The following SCMH1 variants were observed in gnomAD, a reference collection of about 807,000 sequenced individuals.
The protein encoded by SCMH1 is Scm polycomb group protein homolog 1.
SCMH1 carries 37 observed loss-of-function variants against 70.8 expected under a neutral mutation model. The observed-to-expected ratio is 0.52, with a 90% CI of 0.40 to 0.69. SCMH1 has a LOEUF of 0.69. Among genes scored for constraint, SCMH1 ranks in the 30% least tolerant of loss-of-function variants. The pLI, the probability that SCMH1 is intolerant of heterozygous loss-of-function variation, is 0.00. For synonymous variants in SCMH1, 292 were observed against 307.4 expected (o/e 0.95, Z 0.52); for missense variants, 607 against 827.3 (o/e 0.73, Z 3.27).
chr1:41,092,967 A>T (rs1664069370), intron 8 of SCMH1, among the ~76,000 whole-genome samples: 1 of 152,232 alleles, frequency 6.6e-6, no homozygotes, highest in African/African-American at 2.4e-5. Context: ...CAGTGTGGCG[A>T]TTCCTCAAGG....
chr1:41,081,601 T>C (rs562980748), intron 8 of SCMH1, among the ~76,000 whole-genome samples: 7 of 152,274 alleles, frequency 4.6e-5, no homozygotes, highest in African/African-American at 1.7e-4. Flanking sequence ...GAGGATTGCT[T>C]GAGGCCAGGA....
intron 9 of SCMH1, among the ~76,000 whole-genome samples, chr1:41,073,216 C>T (rs1657121803): frequency 6.6e-6 from 1 of 152,172 alleles, no homozygotes; most frequent in African/African-American, 2.4e-5. Flanking sequence ...CCTGATGAAA[C>T]ACCTCTAGTT....
In SCMH1 at chr1:41,037,824, C is replaced by G. The variant is rs1376899114; in HGVS notation, c.1499-283G>C. On this transcript the variant is annotated intron_variant, in intron 12 of 14. Coordinates refer to ENST00000337495, the Ensembl canonical transcript of SCMH1. The stretch of plus-strand genomic sequence containing the variant: ...CCCTATGCTTTTTCTTGATAAGGAA[C>G]ATCTTAAACAAATGGAGCTATTCTA... 2.0e-5 allele frequency among the ~76,000 whole-genome samples: 3 copies of G among 152,176 alleles called. No homozygotes were observed. In the East Asian group the frequency reaches 5.8e-4, roughly 29 times the overall value.
Position 41,205,461 on chromosome 1 carries a change from G to A in SCMH1, c.-117-19211C>T, listed in dbSNP as rs760947097. Among the ~76,000 whole-genome samples the A allele has an allele frequency of 2.6e-5, 4 of 152,214 alleles. No individual in the cohort carries two copies. In the East Asian group the frequency reaches 5.8e-4, roughly 22 times the overall value. ...ACTGCTAGCGCAGCAGTCTGAGACT[G>A]ACCTCAATCAATTCGGGGCTCTCAG... On this transcript the variant is annotated intron_variant, in intron 1 of 14. Coordinates refer to ENST00000337495, the Ensembl canonical transcript of SCMH1.
intron 10 of SCMH1, among the ~76,000 whole-genome samples, chr1:41,059,977 C>G (rs1361060964): frequency 6.7e-6 from 1 of 150,028 alleles, no homozygotes; most frequent in Non-Finnish European, 1.5e-5. Context: ...GAAAGAAACT[C>G]CCAAAATTAA....
intron 1 of SCMH1, among the ~76,000 whole-genome samples, chr1:41,235,593 A>AG (rs1481598920): frequency 2.0e-5 from 3 of 148,130 alleles, no homozygotes; most frequent in South Asian, 4.2e-4. Context: ...AAAAAAAAAA[A>AG]AAAGAAAAGT....
At chr1:41,236,705 ATCC>A (rs1049968437) in intron 1 of SCMH1, among the ~76,000 whole-genome samples, 1 of 152,180 alleles carries the variant, frequency 6.6e-6, no homozygotes, top group African/African-American at 2.4e-5. Flanking sequence ...ATCTACACAC[ATCC>A]TCCTATGTAT....
chr1:41,134,051 C>G (rs980489005), intron 6 of SCMH1, among the ~76,000 whole-genome samples: 9 of 152,058 alleles, frequency 5.9e-5, no homozygotes, highest in Non-Finnish European at 1.2e-4. Flanking sequence ...ACTGACAAAC[C>G]GAATCCAGCA....
intron 1 of SCMH1, among the ~76,000 whole-genome samples, chr1:41,194,697 G>T (rs866397140): frequency 6.6e-6 from 1 of 152,122 alleles, no homozygotes; most frequent in Non-Finnish European, 1.5e-5. Context: ...AAATATAACC[G>T]CCTAAAATAT....
chr1:41,028,751 A>C (rs1256832218), intron 13 of SCMH1, 25 bp from the exon 15 acceptor site: 1 of 1,612,542 alleles, frequency 6.2e-7, no homozygotes, highest in Non-Finnish European at 8.5e-7. Context: ...GGCACCTACC[A>C]TAAAGGGCGG....
At chr1:41,085,015 T>C (rs917290596) in intron 8 of SCMH1, among the ~76,000 whole-genome samples, 21 of 149,428 alleles carry the variant, frequency 1.4e-4, no homozygotes, top group Middle Eastern at 3.4e-3. Context: ...TTAGGAGATA[T>C]ACCTAATGCT....
chr1:41,051,504 T>C (rs1221681394), intron 10 of SCMH1, among the ~76,000 whole-genome samples: 2 of 152,136 alleles, frequency 1.3e-5, no homozygotes, highest in Non-Finnish European at 2.9e-5. Context: ...GCTCCATGCA[T>C]GTTATTGTCC....
At chr1:41,060,035 C>T (rs1381617168) in intron 10 of SCMH1, among the ~76,000 whole-genome samples, 2 of 148,522 alleles carry the variant, frequency 1.3e-5, no homozygotes, top group Admixed American at 1.3e-4. Context: ...ACAGAATATT[C>T]AAGAACTGTG....
At position 41,159,680 on chromosome 1, in the gene SCMH1, A is replaced by T. The variant is rs1645861288; in HGVS notation, c.106+1195T>A. 3.3e-6 allele frequency: 5 copies of T among 1,505,988 alleles called. No individual in the cohort carries two copies. The South Asian group carries it at 6.7e-5, about 20-fold the overall frequency. 93.3% of individuals were successfully genotyped at this position (1,505,988 alleles called of 1,614,324 possible). A position where few individuals can be genotyped will look rare whatever the true frequency, so the allele number is the denominator to read the frequency against. The stretch of plus-strand genomic sequence containing the variant: ...AAAAGCTTGAGGAAAGTTTTAAAGA[A>T]TAATAAAAAATAACTATCATTTATC... On this transcript the variant is annotated intron_variant, in intron 4 of 14. Transcript: ENST00000337495.
chr1:41,037,342 C>T lies in SCMH1; in HGVS notation c.1678+20G>A. On this transcript the variant is annotated intron_variant, in intron 13 of 14. Coordinates refer to ENST00000337495, the Ensembl canonical transcript of SCMH1. ...AAAGAGTGAGGGAGGGAAGGAGGGC[C>T]AGGACTCTGGTAAGCTTACCCCTGG... The T allele has an allele frequency of 2.5e-6, 4 of 1,610,308 alleles. No individual in the cohort carries two copies. Among genetic ancestry groups the T allele is most frequent in the Non-Finnish European group, 3.4e-6 (4 of 1,177,790 alleles).
intron 10 of SCMH1, among the ~76,000 whole-genome samples, chr1:41,067,347 G>A (rs952788899): frequency 1.7e-4 from 25 of 151,454 alleles, no homozygotes; most frequent in African/African-American, 6.1e-4. Context: ...GGAAGGCTGA[G>A]GCAGGAGAAT....
intron 1 of SCMH1, among the ~76,000 whole-genome samples, chr1:41,191,775 A>C (rs1426487970): frequency 1.3e-5 from 2 of 152,178 alleles, no homozygotes; most frequent in African/African-American, 4.8e-5. Flanking sequence ...CAAAGGGGTA[A>C]ATATTTACCA....
chr1:41,154,801 T>A (rs145470000), intron 4 of SCMH1, among the ~76,000 whole-genome samples: 25 of 152,364 alleles, frequency 1.6e-4, no homozygotes, highest in Non-Finnish European at 3.2e-4. Flanking sequence ...TATTCCAACA[T>A]TATAATTCAA....
In SCMH1 at chr1:41,028,745, C is replaced by T; in HGVS notation, c.1679-19G>A. 2 of 1,613,214 alleles carry T rather than the reference C, an allele frequency of 1.2e-6. No homozygotes were observed. The highest frequency in any genetic ancestry group is 1.3e-5 in the African/African-American group (1 of 74,996). ...TCCGACCCTGCAGGACAGGAGGGCA[C>T]CTACCATAAAGGGCGGGGACTGGTT... On this transcript the variant is annotated intron_variant, in intron 13 of 14. Transcript: ENST00000337495.
Sources: allele counts gnomAD v4.1 joint callset (sites outside exome capture counted in the v4.1 genomes callset), GRCh38; gene constraint gnomAD v4.1.1; transcripts MANE v1.5; gene names NCBI Gene and HGNC (gene_info 2026-07-23, HGNC 2026-07-21).